Variants in ACTL8 observed in about 807,000 individuals in gnomAD.
ACTL8 encodes actin-like protein 8.
In ACTL8, 3 loss-of-function variants were observed where a neutral mutation model predicts 9.3. That is an observed-to-expected ratio of 0.32 (90% CI 0.15 to 0.83). ACTL8 has a LOEUF of 0.83. Among genes scored for constraint, ACTL8 ranks in the 40% least tolerant of loss-of-function variants. The probability of loss-of-function intolerance (pLI) is 0.57; values close to 1 mark genes in which losing one functional copy is unlikely to be tolerated. For synonymous variants in ACTL8, 224 were observed against 205.9 expected, an observed-to-expected ratio of 1.09 and a Z score of -0.75; for missense variants, 381 against 492.2, an observed-to-expected ratio of 0.77 and a Z score of 2.14.
chr1:17,766,826 T>TC (rs397953411), intron 1 of ACTL8, among the ~76,000 whole-genome samples: 8 of 152,122 alleles, frequency 5.3e-5, no homozygotes, highest in African/African-American at 1.9e-4. Context: ...TGCATTTTTT[T>TC]CTCAGGGGTG....
At chr1:17,817,947 C>T (rs1387227196) in intron 1 of ACTL8, among the ~76,000 whole-genome samples, 2 of 152,194 alleles carry the variant, frequency 1.3e-5, no homozygotes, top group Non-Finnish European at 2.9e-5. Context: ...GGTGATCCAC[C>T]TGCCTTGGCC....
At chr1:17,817,095 G>T (rs1422158703) in intron 1 of ACTL8, among the ~76,000 whole-genome samples, 4 of 151,086 alleles carry the variant, frequency 2.6e-5, no homozygotes, top group Non-Finnish European at 5.9e-5. Flanking sequence ...ATTTTGTCTA[G>T]AATTTTTAGT....
At chr1:17,802,424 C>CGTGCGT (rs1486912826) in intron 1 of ACTL8, among the ~76,000 whole-genome samples, 1 of 146,594 alleles carries the variant, frequency 6.8e-6, no homozygotes, top group Non-Finnish European at 1.5e-5. Context: ...ACTGTGCGTG[C>CGTGCGT]GTGTGTGTGT....
At chr1:17,799,176 C>T (rs2066301735) in intron 1 of ACTL8, among the ~76,000 whole-genome samples, 1 of 152,192 alleles carries the variant, frequency 6.6e-6, no homozygotes, top group African/African-American at 2.4e-5. Flanking sequence ...CAGCAGGACA[C>T]GCACATCAAA....
intron 1 of ACTL8, among the ~76,000 whole-genome samples, chr1:17,765,453 G>T (rs549548338): frequency 3.9e-5 from 6 of 152,164 alleles, no homozygotes; most frequent in Non-Finnish European, 7.4e-5. Flanking sequence ...TCAGACACTC[G>T]CAATAACCAT....
chr1:17,765,900 G>C (rs1009484477), intron 1 of ACTL8, among the ~76,000 whole-genome samples: 1 of 152,216 alleles, frequency 6.6e-6, no homozygotes, highest in Admixed American at 6.5e-5. Context: ...ATGTGAGGCA[G>C]AGGTTCCCTC....
intron 1 of ACTL8, among the ~76,000 whole-genome samples, chr1:17,795,053 T>C (rs1570022419): frequency 6.6e-6 from 1 of 152,224 alleles, no homozygotes; most frequent in African/African-American, 2.4e-5. Flanking sequence ...TTCACTTTCA[T>C]GTTCAAATAG....
chr1:17,824,053 G>A (rs1057064823), intron 2 of ACTL8, among the ~76,000 whole-genome samples: 1 of 152,172 alleles, frequency 6.6e-6, no homozygotes, highest in Non-Finnish European at 1.5e-5. Context: ...ACTGTTGGGG[G>A]TGGGGAACCT....
intron 1 of ACTL8, among the ~76,000 whole-genome samples, chr1:17,774,477 G>A (rs1050729806): frequency 7.9e-5 from 12 of 152,096 alleles, no homozygotes; most frequent in Admixed American, 4.6e-4. Context: ...TGTTTAGGGA[G>A]CCTTGAAAAT....
At chr1:17,779,260 A>T (rs777406881) in intron 1 of ACTL8, among the ~76,000 whole-genome samples, 7 of 151,768 alleles carry the variant, frequency 4.6e-5, no homozygotes, top group Non-Finnish European at 1.0e-4. Context: ...CTCCTTCAAC[A>T]TTCAGCTGGG....
chr1:17,818,889 C>T (rs764517869), intron 1 of ACTL8, among the ~76,000 whole-genome samples: 15 of 152,174 alleles, frequency 9.9e-5, no homozygotes, highest in East Asian at 3.9e-4. Context: ...AGCCTAGAAC[C>T]GGTTTTATAC....
At chr1:17,779,427 G>C (rs1285698634) in intron 1 of ACTL8, among the ~76,000 whole-genome samples, 1 of 152,194 alleles carries the variant, frequency 6.6e-6, no homozygotes, top group South Asian at 2.1e-4. Flanking sequence ...GTGTGAATTT[G>C]GGAAAATCCT....
At chr1:17,799,425 G>A (rs1360414466) in intron 1 of ACTL8, among the ~76,000 whole-genome samples, 3 of 151,030 alleles carry the variant, frequency 2.0e-5, no homozygotes, top group South Asian at 2.1e-4. Flanking sequence ...GAATGGATGC[G>A]TTTATACACT....
Position 17,823,225 on chromosome 1 carries a change from C to G in ACTL8, c.217C>G (p.Leu73Val), listed in dbSNP as rs138844094. The change falls in exon 2 of 3, where the codon CTC (leucine) becomes GTC (valine). Residue 73 changes from leucine (L) to valine (V), a missense_variant. Leu to Val is a conservative substitution (Grantham distance 32). Around this residue, in one of 3 missense-constraint regions of ACTL8, gnomAD observed 125 missense variants for 180.7 expected, o/e 0.69. Coordinates refer to ENST00000375406, the MANE Select transcript of ACTL8 (RefSeq NM_030812.3). The surrounding 1 kb of genome is among the most constrained non-coding windows in gnomAD (Gnocchi z 5.3). ...CTACCCCATCGAGCGGGGCCGCATC[C>G]TCAACTGGGAGGGTGTGCAGTACCT... Reference protein sequence around the residue: ...FSYPIERGRILNWEGVQYLWS... With the variant: ...FSYPIERGRIVNWEGVQYLWS... 617 of 1,614,188 alleles carry G rather than the reference C, an allele frequency of 3.8e-4. No homozygotes were observed. The highest frequency in any genetic ancestry group is 4.8e-4 in the Non-Finnish European group (565 of 1,180,040).
intron 1 of ACTL8, among the ~76,000 whole-genome samples, chr1:17,778,353 CT>C (rs2066130643): frequency 6.6e-6 from 1 of 151,950 alleles, no homozygotes. Flanking sequence ...GCCAGGGTGT[CT>C]TTCAGGATCC....
rs543529256 is a variant in ACTL8 at position 17,802,982 on chromosome 1, C to G, written c.-24-20003C>G. On this transcript the variant is annotated intron_variant, in intron 1 of 2. Transcript: ENST00000375406. Reference sequence around the variant, plus strand: ...CCTGGGTGATAGAGTGAGATTGTTTCAAAAATAAAAATAAAATAACAAACA... The same window carrying G: ...CCTGGGTGATAGAGTGAGATTGTTTGAAAAATAAAAATAAAATAACAAACA... Among the ~76,000 whole-genome samples the G allele has an allele frequency of 1.6e-4, 25 of 152,120 alleles. No individual in the cohort carries two copies. The East Asian group carries it at 4.6e-3, about 28-fold the overall frequency.
intron 1 of ACTL8, among the ~76,000 whole-genome samples, 158 bp downstream of exon 1, chr1:17,755,662 T>C (rs1045993236): frequency 6.8e-6 from 1 of 146,174 alleles, no homozygotes. Flanking sequence ...CTTTGTGGGG[T>C]TGGGGAGTGA....
At chr1:17,791,432 AG>A (rs74920853) in intron 1 of ACTL8, among the ~76,000 whole-genome samples, 20,731 of 152,264 alleles carry the variant, frequency 0.14, 1,703 homozygotes, top group East Asian at 0.25. Flanking sequence ...CCACACAATT[AG>A]GGAGTGGAAG....
At chr1:17,769,124 A>G (rs961630935) in intron 1 of ACTL8, among the ~76,000 whole-genome samples, 16 of 152,292 alleles carry the variant, frequency 1.1e-4, no homozygotes, top group Non-Finnish European at 1.2e-4. Context: ...GGCCTGGCCA[A>G]TATTCTCCAC....
Sources: allele counts gnomAD v4.1 joint callset (sites outside exome capture counted in the v4.1 genomes callset), GRCh38; gene constraint gnomAD v4.1.1; regional missense constraint gnomAD v4.1.1; non-coding constraint Gnocchi (gnomAD v3.1); transcripts MANE v1.5; gene names NCBI Gene and HGNC (gene_info 2026-07-23, HGNC 2026-07-21).